NR2F6: variants seen among roughly 807,000 people sequenced by gnomAD.
The protein encoded by NR2F6 is ERBA-related gene-2.
In NR2F6, 16 loss-of-function variants were observed where a neutral mutation model predicts 26.5. The ratio of observed to expected loss-of-function variants is 0.60; its 90% CI spans 0.41 to 0.92. The LOEUF (loss-of-function observed/expected upper bound fraction) is 0.92. Ranked by LOEUF, NR2F6 falls within the 40% of genes least tolerant of loss-of-function variation. The pLI, the probability that NR2F6 is intolerant of heterozygous loss-of-function variation, is 0.00. For missense variants in NR2F6, 536 were observed against 631.7 expected, an observed-to-expected ratio of 0.85 and a Z score of 1.62; for synonymous variants, 325 against 305.0, an observed-to-expected ratio of 1.07 and a Z score of -0.68.
chr19:17,232,663 A>G, intron 3 of NR2F6, 37 bp from the exon 4 acceptor site: 5 of 1,510,784 alleles, frequency 3.3e-6, no homozygotes, highest in Non-Finnish European at 3.5e-6. Context: ...GGTGGGAGGC[A>G]GCTAGAGAAC....
intron 2 of NR2F6, among the ~76,000 whole-genome samples, chr19:17,237,112 C>T (rs1379271171): frequency 6.6e-6 from 1 of 152,164 alleles, no homozygotes; most frequent in Non-Finnish European, 1.5e-5. Context: ...CGGAGGGGAA[C>T]GCGAGCAGAA....
At chr19:17,236,781 A>G (rs1211070266) in intron 2 of NR2F6, among the ~76,000 whole-genome samples, 3 of 142,500 alleles carry the variant, frequency 2.1e-5, no homozygotes, top group African/African-American at 8.5e-5. Context: ...GGGGGGACCT[A>G]CAGTAAGGAG....
At chr19:17,238,274 C>T (rs191867520) in intron 2 of NR2F6, among the ~76,000 whole-genome samples, 3 of 152,174 alleles carry the variant, frequency 2.0e-5, no homozygotes, top group East Asian at 3.8e-4. Flanking sequence ...CTGGTCTAGG[C>T]GCTGGGGAAC....
At position 17,232,443 on chromosome 19, in the gene NR2F6, C is replaced by T. The variant is rs909784828; in HGVS notation, c.1124G>A (p.Arg375His). The change falls in exon 4 of 4, where the codon CGC becomes CAC. Residue 375 changes from arginine (R) to histidine (H), a missense_variant. By Grantham distance (29) the Arg-to-His change is conservative (BLOSUM62 0). Transcript: ENST00000291442. ...ASLISQLFFM[R>H]LVGKTPIETL... is the part of the protein sequence containing the mutation. ...CTCAATGGGCGTCTTCCCCACCAGG[C>T]GCATGAAGAACAGCTGGGAGATGAG... 16 of 1,613,962 alleles carry T rather than the reference C, an allele frequency of 9.9e-6. No homozygotes were observed. Among genetic ancestry groups the T allele is most frequent in the East Asian group, 2.2e-5 (1 of 44,900 alleles).
At chr19:17,244,328 G>A (rs1446584416) in intron 1 of NR2F6, 1 of 152,670 alleles carries the variant, frequency 6.6e-6, no homozygotes, top group East Asian at 1.9e-4. Context: ...GAGCCCAGAG[G>A]GGTTCCCTGA....
Position 17,245,502 on chromosome 19 carries a change from G to T in NR2F6, c.-282C>A. ...CGCGGGCCGGGGGCCCAGAGGACTC[G>T]CGTCCCGCCGCCCTGGGGCCCCGGC... On this transcript the variant is annotated 5_prime_UTR_variant, in exon 1 of 4. Coordinates refer to ENST00000291442, the MANE Select transcript of NR2F6 (RefSeq NM_005234.4). The surrounding 1 kb of genome is among the most constrained non-coding windows in gnomAD (Gnocchi z 5.0). 6.2e-6 allele frequency: 1 copy of T among 160,144 alleles called. No homozygotes were observed. The highest frequency in any genetic ancestry group is 1.3e-5 in the Non-Finnish European group (1 of 74,784). The allele number at this position is 160,144 out of a possible 1,614,324, so 9.9% of individuals were successfully genotyped here. A position where few individuals can be genotyped will look rare whatever the true frequency, so the allele number is the denominator to read the frequency against.
chr19:17,239,433 G>A (rs1336839289), intron 2 of NR2F6, among the ~76,000 whole-genome samples: 1 of 151,746 alleles, frequency 6.6e-6, no homozygotes, highest in African/African-American at 2.4e-5. Flanking sequence ...GAGGCAGGCA[G>A]ATCACGAGGT....
chr19:17,238,080 C>CA (rs1204306095), intron 2 of NR2F6, among the ~76,000 whole-genome samples: 2 of 152,128 alleles, frequency 1.3e-5, no homozygotes, highest in Non-Finnish European at 2.9e-5. Context: ...TTTAAGGCTG[C>CA]AGTGAGCTAT....
At chr19:17,237,401 C>T (rs1038547612) in intron 2 of NR2F6, among the ~76,000 whole-genome samples, 7 of 146,438 alleles carry the variant, frequency 4.8e-5, no homozygotes, top group South Asian at 2.3e-4. Flanking sequence ...CTTCCTCTCT[C>T]TCTCTCTCCC....
intron 1 of NR2F6, among the ~76,000 whole-genome samples, chr19:17,242,488 C>T (rs1443589962): frequency 6.6e-6 from 1 of 152,148 alleles, no homozygotes; most frequent in East Asian, 1.9e-4. Context: ...TCACGGGGGA[C>T]AGTGCCAAGA....
Position 17,236,027 on chromosome 19 carries a change from C to A in NR2F6, c.412G>T (p.Ala138Ser), listed in dbSNP as rs1202720779. 2 of 1,381,446 alleles carry A rather than the reference C, an allele frequency of 1.4e-6. No homozygotes were observed. Among genetic ancestry groups the A allele is most frequent in the African/African-American group, 1.6e-5 (1 of 63,920 alleles). The allele number at this position is 1,381,446 out of a possible 1,614,324, so 85.6% of individuals were successfully genotyped here. Residue 138 changes from alanine (A) to serine (S), a missense_variant, in exon 3 of 4, where the codon GCC becomes TCC. Ala to Ser is a moderately conservative substitution (Grantham distance 99). Coordinates refer to ENST00000291442, the MANE Select transcript of NR2F6 (RefSeq NM_005234.4). ...RGRIPHSLPG[A>S]VAASSGSPPG... The stretch of plus-strand genomic sequence containing the variant: ...GGGCTGCCCGAGGAGGCGGCCACGG[C>A]ACCAGGCAGCGAGTGCGGGATGCGG...
chr19:17,235,233 T>C lies in NR2F6; in HGVS notation c.940+266A>G, dbSNP rs1031122047. ...GAAGAGGGTTCTGGGGTCTGGGCCC[T>C]GGTCCTGGCCCAGCCTTGGGTCTGG... On this transcript the variant is annotated intron_variant, in intron 3 of 3. Coordinates refer to ENST00000291442, the MANE Select transcript of NR2F6 (RefSeq NM_005234.4). This position sits in a 1 kb window ranked among gnomAD's most constrained non-coding sequence, Gnocchi z 5.0. 3.9e-5 allele frequency among the ~76,000 whole-genome samples: 6 copies of C among 152,210 alleles called. No individual in the cohort carries two copies. Among genetic ancestry groups the C allele is most frequent in the African/African-American group, 1.4e-4 (6 of 41,462 alleles).
chr19:17,236,569 C>T (rs982083027), intron 2 of NR2F6, among the ~76,000 whole-genome samples: 1 of 152,126 alleles, frequency 6.6e-6, no homozygotes, highest in Non-Finnish European at 1.5e-5. Context: ...CATGGGGTTC[C>T]CAGAGCTGAG....
At chr19:17,239,303 C>T (rs1828330951) in intron 2 of NR2F6, among the ~76,000 whole-genome samples, 1 of 151,788 alleles carries the variant, frequency 6.6e-6, no homozygotes, top group Admixed American at 6.6e-5. Flanking sequence ...CACCACAGCA[C>T]TCCAGCCTGG....
At chr19:17,237,012 C>T (rs2073442582) in intron 2 of NR2F6, among the ~76,000 whole-genome samples, 1 of 152,208 alleles carries the variant, frequency 6.6e-6, no homozygotes, top group Non-Finnish European at 1.5e-5. Flanking sequence ...GGCTGGTTGC[C>T]AGCAGACTAA....
intron 1 of NR2F6, among the ~76,000 whole-genome samples, chr19:17,242,546 G>A (rs1031999811): frequency 3.3e-5 from 5 of 152,122 alleles, no homozygotes; most frequent in South Asian, 4.1e-4. Context: ...GAGGATCTGC[G>A]CCCACTCCCC....
chr19:17,241,974 C>T (rs966387555), intron 1 of NR2F6, among the ~76,000 whole-genome samples: 4 of 149,650 alleles, frequency 2.7e-5, no homozygotes, highest in Admixed American at 2.0e-4. Context: ...CAAGATTGAC[C>T]CACTGCATTC....
chr19:17,235,866 G>A lies in NR2F6; in HGVS notation c.573C>T (p.Gly191=). Residue 191 remains glycine (G), a synonymous_variant, in exon 3 of 4, where the codon GGC becomes GGT. Coordinates refer to ENST00000291442, the MANE Select transcript of NR2F6 (RefSeq NM_005234.4). This position sits in a 1 kb window ranked among gnomAD's most constrained non-coding sequence, Gnocchi z 5.0. ...CGATGCCCAGCACCGCGCCCGCCGCGCCGCCCCCTGCGCCGAAGCGTCCGG... is the reference window on the plus strand; with the variant it reads ...CGATGCCCAGCACCGCGCCCGCCGCACCGCCCCCTGCGCCGAAGCGTCCGG... ...AAAGRFGAGG[G]AAGAVLGIDN... 1.4e-6 allele frequency: 2 copies of A among 1,465,676 alleles called. No individual in the cohort carries two copies. The highest frequency in any genetic ancestry group is 1.8e-6 in the Non-Finnish European group (2 of 1,117,392). The allele number at this position is 1,465,676 out of a possible 1,614,324, so 90.8% of individuals were successfully genotyped here.
chr19:17,245,281 C>G lies in NR2F6; in HGVS notation c.-61G>C, dbSNP rs2073492301. 4.0e-5 allele frequency: 47 copies of G among 1,189,784 alleles called. No individual in the cohort carries two copies. Among genetic ancestry groups the G allele is most frequent in the Non-Finnish European group, 4.5e-5 (43 of 960,234 alleles). The allele number at this position is 1,189,784 out of a possible 1,614,324, so 73.7% of individuals were successfully genotyped here. On this transcript the variant is annotated 5_prime_UTR_variant, in exon 1 of 4. Transcript: ENST00000291442. The surrounding 1 kb of genome is among the most constrained non-coding windows in gnomAD (Gnocchi z 5.0). The stretch of plus-strand genomic sequence containing the variant: ...CGCTCTTCCCTCCGGGCACCCCTCT[C>G]GGCCCGGGGGACCCTACGCGGCGCG...
Sources: allele counts gnomAD v4.1 joint callset (sites outside exome capture counted in the v4.1 genomes callset), GRCh38; gene constraint gnomAD v4.1.1; non-coding constraint Gnocchi (gnomAD v3.1); transcripts MANE v1.5; gene names NCBI Gene and HGNC (gene_info 2026-07-23, HGNC 2026-07-21).